The following ENKUR variants were observed in gnomAD, a reference collection of about 807,000 sequenced individuals.
ENKUR encodes enkurin, TRPC channel interacting protein.
ENKUR carries 19 observed loss-of-function variants against 27.6 expected under a neutral mutation model. The ratio of observed to expected loss-of-function variants is 0.69; its 90% CI spans 0.48 to 1.01. The LOEUF (loss-of-function observed/expected upper bound fraction) is 1.01, where lower values mean the gene tolerates loss of function less well. Among genes scored for constraint, ENKUR ranks in the 50% least tolerant of loss-of-function variants. The probability of loss-of-function intolerance (pLI) is 0.00; values close to 1 mark genes in which losing one functional copy is unlikely to be tolerated. For missense variants in ENKUR, 312 were observed against 310.5 expected (o/e 1.00, Z -0.04); for synonymous variants, 117 against 96.9 (o/e 1.21, Z -1.22).
intron 1 of ENKUR, among the ~76,000 whole-genome samples, chr10:25,013,969 G>C (rs1422089866): frequency 6.6e-6 from 1 of 151,828 alleles, no homozygotes; most frequent in African/African-American, 2.4e-5. Flanking sequence ...AAAAAAAAAG[G>C]GTGACAGATT....
chr10:25,039,591 A>G (rs975398149), intron 2 of ENKUR, among the ~76,000 whole-genome samples: 1 of 152,154 alleles, frequency 6.6e-6, no homozygotes, highest in African/African-American at 2.4e-5. Context: ...AAAAAAAGCA[A>G]AGGTCACTAA....
chr10:24,993,965 C>T (rs1430976399), intron 3 of ENKUR, among the ~76,000 whole-genome samples: 1 of 152,134 alleles, frequency 6.6e-6, no homozygotes, highest in East Asian at 1.9e-4. Flanking sequence ...CCACTTTTCC[C>T]TATCCTGTGG....
At chr10:24,994,694 TA>T in intron 3 of ENKUR, among the ~76,000 whole-genome samples, 1 of 152,272 alleles carries the variant, frequency 6.6e-6, no homozygotes, top group African/African-American at 2.4e-5. Context: ...AAAGTAGCAT[TA>T]AATAAGATTT....
At chr10:25,026,205 A>G (rs1850849116) in intron 2 of ENKUR, 1 of 166,634 alleles carries the variant, frequency 6.0e-6, no homozygotes, top group South Asian at 2.1e-4. Flanking sequence ...ACCCTCCTCA[A>G]ATTCCATTTT....
chr10:25,049,405 TA>T (rs34707180), intron 2 of ENKUR, among the ~76,000 whole-genome samples: 52,128 of 151,620 alleles, frequency 0.34, 9,233 homozygotes, highest in East Asian at 0.48. Flanking sequence ...TTATGGAAGG[TA>T]AAAAAAAGTC....
chr10:24,993,841 G>C (rs993647602), intron 3 of ENKUR, among the ~76,000 whole-genome samples: 1 of 152,208 alleles, frequency 6.6e-6, no homozygotes, highest in Admixed American at 6.5e-5. Flanking sequence ...AGAGCAGCCA[G>C]AAGGGAGGGG....
intron 2 of ENKUR, among the ~76,000 whole-genome samples, chr10:24,996,358 G>T (rs1375995133): frequency 2.6e-5 from 4 of 152,080 alleles, no homozygotes; most frequent in Non-Finnish European, 5.9e-5. Flanking sequence ...GGAGGCGGAG[G>T]TTGCAGTGAA....
At chr10:25,059,905 GA>G (rs908624326) in intron 2 of ENKUR, among the ~76,000 whole-genome samples, 1 of 152,184 alleles carries the variant, frequency 6.6e-6, no homozygotes, top group Non-Finnish European at 1.5e-5. Context: ...GACATAAGGA[GA>G]GGCTAAAAAA....
At chr10:25,057,246 C>T (rs985407164) in intron 2 of ENKUR, among the ~76,000 whole-genome samples, 5 of 151,970 alleles carry the variant, frequency 3.3e-5, no homozygotes, top group Non-Finnish European at 7.4e-5. Context: ...GAATGGCTGC[C>T]TGGAAAGGGA....
chr10:24,989,269 T>C (rs1849873113), intron 4 of ENKUR, among the ~76,000 whole-genome samples: 1 of 152,210 alleles, frequency 6.6e-6, no homozygotes, highest in Non-Finnish European at 1.5e-5. Flanking sequence ...CAGCCTTCCT[T>C]CCTGCCTGTC....
At chr10:25,058,592 C>T (rs1851287792) in intron 2 of ENKUR, among the ~76,000 whole-genome samples, 1 of 152,180 alleles carries the variant, frequency 6.6e-6, no homozygotes, top group African/African-American at 2.4e-5. Context: ...TTATTCATGA[C>T]ACAGAGATAG....
At chr10:25,030,327 C>T (rs1182169854) in intron 2 of ENKUR, among the ~76,000 whole-genome samples, 1 of 152,042 alleles carries the variant, frequency 6.6e-6, no homozygotes, top group Non-Finnish European at 1.5e-5. Context: ...CTAACAATGT[C>T]TTTATTCCAT....
intron 2 of ENKUR, among the ~76,000 whole-genome samples, chr10:25,045,702 A>G (rs1316161225): frequency 6.6e-6 from 1 of 152,196 alleles, no homozygotes; most frequent in African/African-American, 2.4e-5. Flanking sequence ...CAATACAAAA[A>G]AAGTTAAAAG....
At chr10:25,041,041 T>G (rs1420309447) in intron 2 of ENKUR, among the ~76,000 whole-genome samples, 1 of 152,222 alleles carries the variant, frequency 6.6e-6, no homozygotes, top group Non-Finnish European at 1.5e-5. Flanking sequence ...AAAAAATGTT[T>G]ATTATTTACA....
intron 2 of ENKUR, chr10:25,023,724 A>G: frequency 6.2e-7 from 1 of 1,613,920 alleles, no homozygotes. Flanking sequence ...GTCTAAAATT[A>G]ATGAAGACAG....
intron 2 of ENKUR, among the ~76,000 whole-genome samples, chr10:25,031,330 A>G (rs1850932512): frequency 6.6e-6 from 1 of 152,084 alleles, no homozygotes; most frequent in South Asian, 2.1e-4. Flanking sequence ...TCTACTTCCT[A>G]CATTTTTTTT....
chr10:25,017,416 C>T (rs1850625620), upstream of ENKUR, among the ~76,000 whole-genome samples: 1 of 151,978 alleles, frequency 6.6e-6, no homozygotes, highest in Admixed American at 6.6e-5. Flanking sequence ...GCCACTCTGC[C>T]CGAAGGAAAT....
upstream of ENKUR, among the ~76,000 whole-genome samples, chr10:25,019,684 A>G (rs1178417162): frequency 6.6e-6 from 1 of 152,174 alleles, no homozygotes; most frequent in Non-Finnish European, 1.5e-5. Flanking sequence ...GATTTTTCTC[A>G]CTCTAAAGTC....
chr10:25,049,783 CAA>C (rs60646580), intron 2 of ENKUR, among the ~76,000 whole-genome samples: 37 of 69,264 alleles, frequency 5.3e-4, no homozygotes, highest in African/African-American at 9.8e-4. Context: ...GACTCCGTCT[CAA>C]AAAAAAAAAA....
Sources: allele counts gnomAD v4.1 joint callset (sites outside exome capture counted in the v4.1 genomes callset), GRCh38; gene constraint gnomAD v4.1.1; transcripts MANE v1.5; gene names NCBI Gene and HGNC (gene_info 2026-07-23, HGNC 2026-07-21).